The following KLHL5 variants were observed in gnomAD, a reference collection of about 807,000 sequenced individuals.
KLHL5 encodes the protein kelch like family member 5, also known as kelch-like protein 5.
A neutral mutation model predicts 77.7 loss-of-function variants in KLHL5; 48 were observed. That is an observed-to-expected ratio of 0.62 (90% CI 0.49 to 0.79). The LOEUF (loss-of-function observed/expected upper bound fraction) is 0.79, where lower values mean the gene tolerates loss of function less well. Among genes scored for constraint, KLHL5 ranks in the 30% least tolerant of loss-of-function variants. The pLI, the probability that KLHL5 is intolerant of heterozygous loss-of-function variation, is 0.00. For missense variants in KLHL5, 723 were observed against 859.7 expected, an observed-to-expected ratio of 0.84 and a Z score of 1.99; for synonymous variants, 260 against 297.0, an observed-to-expected ratio of 0.88 and a Z score of 1.28.
the KLHL5 span, among the ~76,000 whole-genome samples, chr4:39,134,592 C>T: frequency 2.1e-4 from 32 of 152,336 alleles, 1 homozygote; most frequent in African/African-American, 7.2e-4. Flanking sequence ...GATACATCCT[C>T]ACCACATCTG....
upstream of KLHL5, among the ~76,000 whole-genome samples, chr4:39,060,047 C>G (rs1289116332): frequency 6.6e-6 from 1 of 152,078 alleles, no homozygotes; most frequent in Non-Finnish European, 1.5e-5. Context: ...AACCTGAATG[C>G]CCATTAGCAG....
At position 39,075,285 on chromosome 4, in the gene KLHL5, C is replaced by T. The variant is rs180750717; in HGVS notation, c.384-680C>T. Among the ~76,000 whole-genome samples the T allele has an allele frequency of 5.5e-3, 834 of 151,198 alleles. 10 individuals carry two copies. The highest frequency in any genetic ancestry group is 8.0e-3 in the Non-Finnish European group (543 of 67,888). ...GGCGGAGGTTGTGGTGAGACGAGAT[C>T]GCGCCATTGCACTCCAGCCTGGGCA... On this transcript the variant is annotated intron_variant, in intron 1 of 10. Coordinates refer to ENST00000504108, the MANE Select transcript of KLHL5 (RefSeq NM_015990.5).
intron 8 of KLHL5, among the ~76,000 whole-genome samples, chr4:39,109,862 T>C (rs1172920643): frequency 6.7e-6 from 1 of 149,532 alleles, no homozygotes; most frequent in African/African-American, 2.5e-5. Flanking sequence ...TTTTGTATTC[T>C]TAATAGAGAC....
At chr4:39,079,357 G>T (rs574754855) in intron 2 of KLHL5, among the ~76,000 whole-genome samples, 1 of 152,090 alleles carries the variant, frequency 6.6e-6, no homozygotes, top group Non-Finnish European at 1.5e-5. Flanking sequence ...ATGCAATGGC[G>T]TACACGATCC....
At chr4:39,069,630 A>AC (rs552969681) in intron 1 of KLHL5, among the ~76,000 whole-genome samples, 26 of 151,442 alleles carry the variant, frequency 1.7e-4, no homozygotes, top group South Asian at 1.5e-3. Flanking sequence ...ATCATCAACT[A>AC]CCTAGCCACC....
chr4:39,046,730 T>C (rs571163892), intron 1 of KLHL5, among the ~76,000 whole-genome samples: 1 of 152,194 alleles, frequency 6.6e-6, no homozygotes, highest in African/African-American at 2.4e-5. Flanking sequence ...AAAGGAGATA[T>C]GGGATGCAGT....
At chr4:39,063,989 CTAATTTGAT>C (rs1357640769) in intron 1 of KLHL5, among the ~76,000 whole-genome samples, 4 of 152,048 alleles carry the variant, frequency 2.6e-5, no homozygotes, top group African/African-American at 9.7e-5. Context: ...TATCATTTGT[CTAATTTGAT>C]TATTATATTT....
intron 5 of KLHL5, 144 bp from the exon 6 acceptor site, chr4:39,096,548 G>T (rs1399340775): frequency 3.4e-6 from 2 of 585,986 alleles, no homozygotes; most frequent in African/African-American, 3.8e-5. Context: ...TCTTGTAAAT[G>T]TTGCATATTT....
Position 39,121,552 on chromosome 4 carries a change from G to GT in KLHL5, c.*492dup, listed in dbSNP as rs1295957224. The GT allele has an allele frequency of 6.5e-6, 1 of 152,944 alleles. No individual in the cohort carries two copies. Among genetic ancestry groups the GT allele is most frequent in the South Asian group, 2.1e-4 (1 of 4,854 alleles). The allele number at this position is 152,944 out of a possible 1,614,324, so 9.5% of individuals were successfully genotyped here. A position where few individuals can be genotyped will look rare whatever the true frequency, so the allele number is the denominator to read the frequency against. Reference sequence around the variant, plus strand: ...GATATACTAAAGATAACACTATTTAGTTTTTTCAGAAACATCTGCATTATA... The same window carrying GT: ...GATATACTAAAGATAACACTATTTAGTTTTTTTCAGAAACATCTGCATTATA... On this transcript the variant is annotated 3_prime_UTR_variant, in exon 11 of 11. Transcript: ENST00000504108.
At chr4:39,064,566 A>T (rs772811132) in intron 1 of KLHL5, among the ~76,000 whole-genome samples, 4 of 152,172 alleles carry the variant, frequency 2.6e-5, no homozygotes, top group Non-Finnish European at 2.9e-5. Context: ...TTAACATGTT[A>T]TCTACTACTG....
chr4:39,118,378 G>A (rs1722995706), intron 10 of KLHL5, among the ~76,000 whole-genome samples: 1 of 151,954 alleles, frequency 6.6e-6, no homozygotes, highest in African/African-American at 2.4e-5. Flanking sequence ...CAAGAAGAGG[G>A]TAGAGAGAGA....
intron 5 of KLHL5, among the ~76,000 whole-genome samples, chr4:39,096,062 C>T (rs1158634430): frequency 1.3e-5 from 2 of 151,726 alleles, no homozygotes; most frequent in Non-Finnish European, 2.9e-5. Context: ...TATTTAATTT[C>T]CAATGTGATC....
chr4:39,103,176 A>T (rs1721744246), intron 6 of KLHL5, 111 bp from the exon 7 acceptor site: 1 of 856,434 alleles, frequency 1.2e-6, no homozygotes, highest in Non-Finnish European at 1.8e-6. Flanking sequence ...AAATATAATA[A>T]AATTATTATT....
chr4:39,078,751 G>T (rs1719329512), intron 2 of KLHL5, among the ~76,000 whole-genome samples: 1 of 152,076 alleles, frequency 6.6e-6, no homozygotes, highest in African/African-American at 2.4e-5. Flanking sequence ...TTGGGGGAAA[G>T]GGTGGGAAGG....
intron 6 of KLHL5, among the ~76,000 whole-genome samples, chr4:39,098,640 T>C (rs1299597759): frequency 2.6e-5 from 4 of 151,552 alleles, no homozygotes; most frequent in Admixed American, 2.0e-4. Context: ...CTCGGCTCAC[T>C]GCAAGCTCCG....
the KLHL5 span, among the ~76,000 whole-genome samples, chr4:39,141,361 T>G: frequency 4.3e-5 from 6 of 138,770 alleles, no homozygotes; most frequent in Non-Finnish European, 6.0e-5. Context: ...CAGGCTGGAG[T>G]GCAGTGGCGC....
At chr4:39,084,636 G>A (rs2109396328) in intron 4 of KLHL5, among the ~76,000 whole-genome samples, 1 of 152,136 alleles carries the variant, frequency 6.6e-6, no homozygotes, top group Middle Eastern at 3.4e-3. Flanking sequence ...GAATGGAATG[G>A]GCATTATTCT....
Position 39,065,764 on chromosome 4 carries a change from A to G in KLHL5, c.383+2729A>G, listed in dbSNP as rs1343604491. Among the ~76,000 whole-genome samples, 5 of 71,308 alleles carry G rather than the reference A, an allele frequency of 7.0e-5. No homozygotes were observed. The East Asian group carries it at 2.9e-3, about 42-fold the overall frequency. The allele number at this position is 71,308 out of a possible 152,430, so 46.8% of individuals were successfully genotyped here. A position where few individuals can be genotyped will look rare whatever the true frequency, so the allele number is the denominator to read the frequency against. ...CATTCTGAGCATACTACAGATTGAT[A>G]TCTTAAAATGTTAGACATAATGAAG... On this transcript the variant is annotated intron_variant, in intron 1 of 10. Coordinates refer to ENST00000504108, the MANE Select transcript of KLHL5 (RefSeq NM_015990.5).
chr4:39,135,958 A>G, the KLHL5 span, among the ~76,000 whole-genome samples: 3 of 151,264 alleles, frequency 2.0e-5, no homozygotes, highest in Admixed American at 2.0e-4. Flanking sequence ...ACACGGCCGA[A>G]TTATGATATG....
Sources: gnomAD v4.1 joint callset for allele counts (sites outside exome capture counted in the v4.1 genomes callset) on GRCh38, gnomAD v4.1.1 for gene constraint, MANE v1.5 for transcripts, NCBI Gene and HGNC (gene_info 2026-07-23, HGNC 2026-07-21) for gene names.